Variants in EEFSEC observed in about 807,000 individuals in gnomAD.
EEFSEC encodes the protein eukaryotic elongation factor, selenocysteine-tRNA specific.
In EEFSEC, 43 loss-of-function variants were observed where a neutral mutation model predicts 42.1. The ratio of observed to expected loss-of-function variants is 1.02; its 90% confidence interval spans 0.80 to 1.32. The LOEUF (loss-of-function observed/expected upper bound fraction) is 1.32, where lower values mean the gene tolerates loss of function less well. Ranked by LOEUF, EEFSEC falls within the 40% of genes most tolerant of loss-of-function variation. The pLI, the probability that EEFSEC is intolerant of heterozygous loss-of-function variation, is 0.00. For missense variants in EEFSEC, 745 were observed against 803.6 expected, an observed-to-expected ratio of 0.93 and a Z score of 0.88; for synonymous variants, 354 against 339.1, an observed-to-expected ratio of 1.04 and a Z score of -0.48.
Position 128,382,696 on chromosome 3 carries a change from C to T in EEFSEC, c.1600+24323C>T, listed in dbSNP as rs577791165. Among the ~76,000 whole-genome samples, 3 of 152,298 alleles carry T rather than the reference C, an allele frequency of 2.0e-5. No homozygotes were observed. In the East Asian group the frequency reaches 5.8e-4, roughly 29 times the overall value. On this transcript the variant is annotated intron_variant, in intron 6 of 6. Transcript: ENST00000254730. ...GTTTTGGCAAAAGGAGCCCTCTTCC[C>T]CTACCCCTGCCAAAGGCAGCCTGAA...
chr3:128,291,178 G>A (rs1361387872), intron 4 of EEFSEC, among the ~76,000 whole-genome samples: 3 of 151,484 alleles, frequency 2.0e-5, no homozygotes, highest in African/African-American at 7.3e-5. Context: ...TTTATTATTT[G>A]ACACTGTTGA....
At chr3:128,337,732 G>A (rs2067206171) in intron 4 of EEFSEC, among the ~76,000 whole-genome samples, 1 of 152,208 alleles carries the variant, frequency 6.6e-6, no homozygotes. Context: ...CCTTGTCTCG[G>A]GATTTAGAAG....
intron 1 of EEFSEC, among the ~76,000 whole-genome samples, chr3:128,226,150 AAC>A (rs752641359): frequency 4.6e-5 from 7 of 152,150 alleles, no homozygotes; most frequent in Non-Finnish European, 7.3e-5. Flanking sequence ...ACTGGGAGTA[AAC>A]ATTTATTTCA....
At chr3:128,244,073 AC>A (rs2066101440) in intron 1 of EEFSEC, among the ~76,000 whole-genome samples, 1 of 152,094 alleles carries the variant, frequency 6.6e-6, no homozygotes, top group Admixed American at 6.5e-5. Flanking sequence ...GCACAGCTTC[AC>A]CCACCGGAGA....
At chr3:128,253,471 C>T (rs2066209278) in intron 2 of EEFSEC, among the ~76,000 whole-genome samples, 1 of 152,196 alleles carries the variant, frequency 6.6e-6, no homozygotes, top group South Asian at 2.1e-4. Context: ...GTACCTGAAC[C>T]CCTGCCCATG....
At chr3:128,399,337 G>A (rs768021350) in intron 6 of EEFSEC, among the ~76,000 whole-genome samples, 14 of 152,178 alleles carry the variant, frequency 9.2e-5, no homozygotes, top group Admixed American at 2.0e-4. Flanking sequence ...GCGGGGCGCT[G>A]GTTGCCTACG....
chr3:128,262,367 A>T (rs1468299925), intron 3 of EEFSEC, 143 bp downstream of exon 3: 2 of 664,746 alleles, frequency 3.0e-6, no homozygotes, highest in Non-Finnish European at 5.1e-6. Flanking sequence ...CCCTGTTAAC[A>T]CCTTAGCACA....
At chr3:128,262,426 GT>G (rs1195660403) in intron 3 of EEFSEC, among the ~76,000 whole-genome samples, 6 of 152,090 alleles carry the variant, frequency 3.9e-5, no homozygotes, top group African/African-American at 1.4e-4. Context: ...GACTCCTAAG[GT>G]TCACTGAAGC....
At chr3:128,382,658 G>T in intron 6 of EEFSEC, among the ~76,000 whole-genome samples, 1 of 152,130 alleles carries the variant, frequency 6.6e-6, no homozygotes, top group East Asian at 1.9e-4. Context: ...CTGCCTTAAA[G>T]AAATTAAATA....
intron 6 of EEFSEC, among the ~76,000 whole-genome samples, chr3:128,395,250 G>A (rs1157468699): frequency 6.6e-6 from 1 of 152,208 alleles, no homozygotes; most frequent in Non-Finnish European, 1.5e-5. Flanking sequence ...GGCAGAACGG[G>A]AGCCATGGGG....
intron 5 of EEFSEC, among the ~76,000 whole-genome samples, chr3:128,346,927 T>C (rs189195035): frequency 1.5e-4 from 23 of 152,360 alleles, no homozygotes; most frequent in African/African-American, 5.3e-4. Context: ...AAACCCTTCT[T>C]AGGTCACAGG....
intron 3 of EEFSEC, among the ~76,000 whole-genome samples, chr3:128,263,260 A>G (rs892731541): frequency 6.6e-6 from 1 of 152,242 alleles, no homozygotes; most frequent in African/African-American, 2.4e-5. Context: ...ATGTTAAATA[A>G]CTTGACCCAT....
chr3:128,285,759 G>A (rs1042518736), intron 4 of EEFSEC, among the ~76,000 whole-genome samples: 8 of 152,206 alleles, frequency 5.3e-5, no homozygotes, highest in South Asian at 2.1e-4. Flanking sequence ...CCAGTCCCAC[G>A]TTCCTGGAGC....
chr3:128,421,081 C>CA, the EEFSEC span, among the ~76,000 whole-genome samples: 1 of 152,148 alleles, frequency 6.6e-6, no homozygotes, highest in Non-Finnish European at 1.5e-5. Context: ...GCGTGGCAGG[C>CA]TTTGTCCTGT....
chr3:128,314,244 C>A (rs1451104250), intron 4 of EEFSEC, among the ~76,000 whole-genome samples: 1 of 152,166 alleles, frequency 6.6e-6, no homozygotes, highest in Non-Finnish European at 1.5e-5. Context: ...AGGGAGTTAT[C>A]CAGAAAATGT....
At chr3:128,421,267 C>G in the EEFSEC span, among the ~76,000 whole-genome samples, 1 of 152,222 alleles carries the variant, frequency 6.6e-6, no homozygotes, top group East Asian at 1.9e-4. Context: ...GCTGGACCTG[C>G]CCACAGCAGC....
rs146586440 is a variant in EEFSEC at position 128,352,247 on chromosome 3, C to T, written c.1444-5970C>T. 3.8e-3 allele frequency among the ~76,000 whole-genome samples: 574 copies of T among 152,380 alleles called. 3 individuals are homozygous for T. Among genetic ancestry groups the T allele is most frequent in the Non-Finnish European group, 6.6e-3 (447 of 68,040 alleles). On this transcript the variant is annotated intron_variant, in intron 5 of 6. Coordinates refer to ENST00000254730, the MANE Select transcript of EEFSEC (RefSeq NM_021937.5). ...TTCTCCAGAGATGTAGGCCTCACAGCATCCTGTAGGAATGTAGGAGCTGTC... is the reference window on the plus strand; with the variant it reads ...TTCTCCAGAGATGTAGGCCTCACAGTATCCTGTAGGAATGTAGGAGCTGTC...
intron 6 of EEFSEC, among the ~76,000 whole-genome samples, chr3:128,371,279 T>C (rs950669500): frequency 2.6e-5 from 4 of 151,852 alleles, no homozygotes; most frequent in African/African-American, 9.7e-5. Flanking sequence ...CCGAAAGGCC[T>C]TGGCCTCCAT....
chr3:128,362,637 C>T (rs2247262), intron 6 of EEFSEC, among the ~76,000 whole-genome samples: 2 of 152,228 alleles, frequency 1.3e-5, no homozygotes, highest in Non-Finnish European at 2.9e-5. Flanking sequence ...AGCCTTGTTA[C>T]TGGAAAGCCC....
Sources: gnomAD v4.1 joint callset for allele counts (sites outside exome capture counted in the v4.1 genomes callset) on GRCh38, gnomAD v4.1.1 for gene constraint, MANE v1.5 for transcripts, NCBI Gene and HGNC (gene_info 2026-07-23, HGNC 2026-07-21) for gene names.